The following DNAH8 variants were observed in gnomAD, a reference collection of about 807,000 sequenced individuals.
The protein encoded by DNAH8 is dynein axonemal heavy chain 8.
Under a neutral mutation model 562.1 loss-of-function variants are expected in DNAH8, and 382 were observed. The ratio of observed to expected loss-of-function variants is 0.68; its 90% CI spans 0.63 to 0.74. The LOEUF (loss-of-function observed/expected upper bound fraction) is 0.74. Ranked by LOEUF, DNAH8 falls within the 30% of genes least tolerant of loss-of-function variation. The pLI is 0.00. For synonymous variants in DNAH8, 1,881 were observed against 1,919.4 expected (o/e 0.98, Z 0.52); for missense variants, 5,203 against 5,620.4 (o/e 0.93, Z 2.37).
intron 12 of DNAH8, among the ~76,000 whole-genome samples, chr6:38,774,301 C>T (rs1767855708): frequency 6.6e-6 from 1 of 152,074 alleles, no homozygotes; most frequent in Non-Finnish European, 1.5e-5. Context: ...AGGGTCTCCA[C>T]TCATGGTGAT....
In DNAH8 at chr6:38,745,653, T is replaced by C. The variant is rs79932792; in HGVS notation, c.1293+3766T>C. 3.8e-3 allele frequency among the ~76,000 whole-genome samples: 580 copies of C among 152,314 alleles called. 4 individuals are homozygous for C. The highest frequency in any genetic ancestry group is 0.013 in the African/African-American group (557 of 41,566). On this transcript the variant is annotated intron_variant, in intron 8 of 92. Transcript: ENST00000327475. ...TTTTCCACTTATGTATTTTTATCTG[T>C]TCTGGGATCCAATCCAGGATCCTAT... is the stretch of plus-strand genomic sequence containing the variant.
rs780507357 is a variant in DNAH8 at position 38,770,549 on chromosome 6, G to C, written c.1754G>C (p.Arg585Thr). Residue 585 changes from arginine to threonine, a missense_variant, in exon 12 of 93, where the codon AGA (arginine) becomes ACA (threonine). This residue lies in a region of DNAH8 where 2,176 missense variants were observed against 2,365.1 expected (regional missense o/e 0.92). Transcript: ENST00000327475. ...IFGKFEAFCK[R>T]LEKITEMITV... is the part of the protein sequence containing the mutation. ...GGAAAATTTGAAGCTTTTTGCAAAAGACTGGAGAAGGTAAGCATTATGCAG... is the reference window on the plus strand; with the variant it reads ...GGAAAATTTGAAGCTTTTTGCAAAACACTGGAGAAGGTAAGCATTATGCAG... 1 of 1,598,968 alleles carries C rather than the reference G, an allele frequency of 6.3e-7. No individual in the cohort carries two copies. The highest frequency in any genetic ancestry group is 8.5e-7 in the Non-Finnish European group (1 of 1,175,606).
At chr6:38,985,658 A>G (rs1195261575) in intron 87 of DNAH8, among the ~76,000 whole-genome samples, 1 of 152,250 alleles carries the variant, frequency 6.6e-6, no homozygotes, top group East Asian at 1.9e-4. Context: ...AGGTAGACAT[A>G]TCTCAGAACA....
intron 82 of DNAH8, among the ~76,000 whole-genome samples, chr6:38,969,967 A>T (rs1179567200): frequency 1.3e-5 from 2 of 152,118 alleles, no homozygotes; most frequent in African/African-American, 4.8e-5. Flanking sequence ...CCATTCCAAG[A>T]ATCTAGGCAA....
chr6:38,894,615 A>G, intron 58 of DNAH8, 86 bp from the exon 59 acceptor site: 2 of 1,066,062 alleles, frequency 1.9e-6, no homozygotes, highest in Non-Finnish European at 2.8e-6. Flanking sequence ...TATCTAAAAT[A>G]GGATTTGTGA....
rs2150372974 is a variant in DNAH8, at chr6:38,843,009, C to T, written c.4845+106C>T. ...TATGAGAGGTTGGACTAATTGCCCT[C>T]TATAATGCACCCTCAAAATTTGGAA... On this transcript the variant is annotated intron_variant, in intron 35 of 92. Coordinates refer to ENST00000327475, the MANE Select transcript of DNAH8 (RefSeq NM_001206927.2). The T allele has an allele frequency of 2.6e-6, 3 of 1,139,748 alleles. No homozygotes were observed. In the East Asian group the frequency reaches 7.2e-5, roughly 28 times the overall value. 70.6% of individuals were successfully genotyped at this position (1,139,748 alleles called of 1,614,324 possible).
At chr6:38,980,531 T>C (rs6915654) in intron 85 of DNAH8, among the ~76,000 whole-genome samples, 112,029 of 151,936 alleles carry the variant, frequency 0.74, 41,521 homozygotes, top group Non-Finnish European at 0.77. Flanking sequence ...ACAAGTTTTC[T>C]TAGTCTAAGC....
chr6:38,828,430 G>A (rs1041546878), intron 30 of DNAH8, 142 bp downstream of exon 30: 22 of 539,280 alleles, frequency 4.1e-5, no homozygotes, highest in African/African-American at 9.9e-5. Flanking sequence ...CATATACAAC[G>A]GTGATCTCAT....
At chr6:38,832,251 G>C in intron 30 of DNAH8, 71 bp from the exon 31 acceptor site, 1 of 894,088 alleles carries the variant, frequency 1.1e-6, no homozygotes, top group Non-Finnish European at 1.8e-6. Flanking sequence ...ACACTTGTTG[G>C]AATAGAATTG....
Position 38,761,772 on chromosome 6 carries a change from A to G in DNAH8, c.1586A>G (p.Gln529Arg), listed in dbSNP as rs781704190. Reference protein sequence around the residue: ...TDGGLNHVWDQETPVVLKKIQ... With the variant: ...TDGGLNHVWDRETPVVLKKIQ... ...GGAGGATTAAACCATGTATGGGATC[A>G]GGAAACGCCAGTTGTACTAAAGAAA... The change falls in exon 11 of 93, where the codon CAG becomes CGG. Residue 529 changes from glutamine (Q) to arginine (R), a missense_variant. Transcript: ENST00000327475. The G allele has an allele frequency of 1.1e-5, 17 of 1,567,040 alleles. No individual in the cohort carries two copies. In the South Asian group the frequency reaches 1.3e-4, roughly 12 times the overall value.
intron 79 of DNAH8, among the ~76,000 whole-genome samples, chr6:38,942,479 G>A (rs1472636643): frequency 6.6e-6 from 1 of 152,174 alleles, no homozygotes; most frequent in Non-Finnish European, 1.5e-5. Flanking sequence ...AGGGGAGAGT[G>A]CCGGAGAAAC....
chr6:38,901,182 G>A (rs886548023), intron 62 of DNAH8, among the ~76,000 whole-genome samples: 7 of 151,638 alleles, frequency 4.6e-5, no homozygotes, highest in South Asian at 4.2e-4. Context: ...TTCTCTTAGC[G>A]GATCTTAATT....
intron 33 of DNAH8, among the ~76,000 whole-genome samples, chr6:38,838,560 G>A (rs140796035): frequency 3.8e-4 from 58 of 152,116 alleles, no homozygotes; most frequent in African/African-American, 1.2e-3. Flanking sequence ...CACCATGGCC[G>A]GCTAATTTTT....
At chr6:38,812,029 G>A (rs1423031486) in intron 24 of DNAH8, among the ~76,000 whole-genome samples, 1 of 152,162 alleles carries the variant, frequency 6.6e-6, no homozygotes, top group Non-Finnish European at 1.5e-5. Context: ...AGCCATAGCT[G>A]CAGGAAGTAA....
Position 38,848,356 on chromosome 6 carries a change from C to G in DNAH8, c.5046-292C>G, listed in dbSNP as rs559913126. On this transcript the variant is annotated intron_variant, in intron 36 of 92. Transcript: ENST00000327475. ...TTATTCCTTGCTTGGCATTTACTCC[C>G]AGAAGCAACCAGCACAGTTCCTTTG... 1.2e-4 allele frequency among the ~76,000 whole-genome samples: 18 copies of G among 152,126 alleles called. 1 individual carries two copies. Among genetic ancestry groups the G allele is most frequent in the African/African-American group, 4.1e-4 (17 of 41,428 alleles).
chr6:38,908,172 G>A (rs1418032523), intron 64 of DNAH8, 52 bp downstream of exon 64: 1 of 1,129,258 alleles, frequency 8.9e-7, no homozygotes, highest in Non-Finnish European at 1.2e-6. Context: ...CTTATTTAAA[G>A]GTGCTTAGTT....
At chr6:38,780,163 G>A (rs1768442127) in intron 15 of DNAH8, 98 bp downstream of exon 15, 2 of 1,174,358 alleles carry the variant, frequency 1.7e-6, no homozygotes, top group Non-Finnish European at 2.4e-6. Flanking sequence ...GCTTTTCAGA[G>A]TGATTCTTTC....
intron 87 of DNAH8, among the ~76,000 whole-genome samples, chr6:38,986,930 T>C (rs1321983675): frequency 2.6e-5 from 4 of 152,246 alleles, no homozygotes; most frequent in Non-Finnish European, 5.9e-5. Flanking sequence ...AGACTGTAAC[T>C]GCCATGAGGG....
chr6:38,885,761 C>A, intron 56 of DNAH8, among the ~76,000 whole-genome samples: 1 of 152,172 alleles, frequency 6.6e-6, no homozygotes, highest in Non-Finnish European at 1.5e-5. Context: ...CAGGTCTTGG[C>A]TTATATATCA....
Sources: allele counts gnomAD v4.1 joint callset (sites outside exome capture counted in the v4.1 genomes callset), GRCh38; gene constraint gnomAD v4.1.1; regional missense constraint gnomAD v4.1.1; transcripts MANE v1.5; gene names NCBI Gene and HGNC (gene_info 2026-07-23, HGNC 2026-07-21).